Variants in LRRC4C observed in about 807,000 individuals in gnomAD.
LRRC4C encodes the protein leucine-rich repeat-containing protein 4C.
In LRRC4C, 5 loss-of-function variants were observed where a neutral mutation model predicts 33.6. The observed-to-expected ratio is 0.15, with a 90% CI of 0.08 to 0.31. LRRC4C has a LOEUF of 0.31. Among genes scored for constraint, LRRC4C ranks in the 10% least tolerant of loss-of-function variants. The probability of loss-of-function intolerance (pLI) is 1.00; values close to 1 mark genes in which losing one functional copy is unlikely to be tolerated. For missense variants in LRRC4C, 560 were observed against 796.7 expected (o/e 0.70, Z 3.58); for synonymous variants, 329 against 302.0 (o/e 1.09, Z -0.93).
At chr11:41,431,444 A>G (rs752805418) in intron 1 of LRRC4C, among the ~76,000 whole-genome samples, 7 of 152,054 alleles carry the variant, frequency 4.6e-5, no homozygotes, top group South Asian at 2.1e-4. Flanking sequence ...TGGTCCACCA[A>G]TGTAGGTATA....
intron 1 of LRRC4C, among the ~76,000 whole-genome samples, chr11:41,152,716 C>A (rs1944053220): frequency 6.6e-6 from 1 of 152,078 alleles, no homozygotes; most frequent in Non-Finnish European, 1.5e-5. Context: ...CTAATGAACG[C>A]CTAGAGTGCC....
intron 1 of LRRC4C, among the ~76,000 whole-genome samples, chr11:41,192,198 A>G (rs527869383): frequency 6.6e-6 from 1 of 152,152 alleles, no homozygotes; most frequent in South Asian, 2.1e-4. Flanking sequence ...GTACATACTA[A>G]TTTTTGTTAT....
chr11:40,579,340 T>A (rs1250488138), intron 3 of LRRC4C, among the ~76,000 whole-genome samples: 1 of 150,466 alleles, frequency 6.6e-6, no homozygotes, highest in African/African-American at 2.4e-5. Context: ...AAAAAAGGAA[T>A]AGAAAAAAAA....
chr11:40,362,142 T>A (rs1228874759), intron 3 of LRRC4C, among the ~76,000 whole-genome samples: 1 of 151,994 alleles, frequency 6.6e-6, no homozygotes, highest in Non-Finnish European at 1.5e-5. Context: ...AAATGTAAAA[T>A]TCAAAACTAT....
At chr11:41,130,761 G>C (rs551184657) in intron 1 of LRRC4C, among the ~76,000 whole-genome samples, 2 of 151,878 alleles carry the variant, frequency 1.3e-5, no homozygotes, top group Non-Finnish European at 2.9e-5. Context: ...TGCAATATTA[G>C]AGTAAGTTCT....
chr11:41,180,871 A>G (rs1004067502), intron 1 of LRRC4C, among the ~76,000 whole-genome samples: 1 of 152,056 alleles, frequency 6.6e-6, no homozygotes, highest in African/African-American at 2.4e-5. Flanking sequence ...ACAAAATGAC[A>G]CAGAAATCAA....
At position 40,513,405 on chromosome 11, in the gene LRRC4C, C is replaced by T. The variant is rs1161654809; in HGVS notation, c.-270+134737G>A. Among the ~76,000 whole-genome samples, 13 of 152,116 alleles carry T rather than the reference C, an allele frequency of 8.5e-5. 1 individual carries two copies. The South Asian group carries it at 2.7e-3, about 32-fold the overall frequency. On this transcript the variant is annotated intron_variant, in intron 3 of 6. Transcript: ENST00000528697. Reference sequence around the variant, plus strand: ...CTGAAGGATAGATGAGAATAAGCTACATTAGACTAGGGAATGGGATAAGCA... The same window carrying T: ...CTGAAGGATAGATGAGAATAAGCTATATTAGACTAGGGAATGGGATAAGCA...
At chr11:41,064,122 CT>C (rs1164733507) in intron 1 of LRRC4C, among the ~76,000 whole-genome samples, 1 of 152,212 alleles carries the variant, frequency 6.6e-6, no homozygotes, top group African/African-American at 2.4e-5. Flanking sequence ...TTTTTAATTG[CT>C]TGAAACACTT....
intron 1 of LRRC4C, among the ~76,000 whole-genome samples, chr11:41,395,048 C>T (rs930639255): frequency 1.3e-5 from 2 of 151,902 alleles, no homozygotes; most frequent in Admixed American, 1.3e-4. Flanking sequence ...CTGTTTGGCT[C>T]TACTAAACGT....
intron 2 of LRRC4C, among the ~76,000 whole-genome samples, chr11:40,815,002 A>G (rs1951648777): frequency 1.3e-5 from 2 of 152,264 alleles, no homozygotes; most frequent in Non-Finnish European, 2.9e-5. Context: ...CCAGTTCCAA[A>G]GTCGCTTCCA....
At chr11:41,411,642 A>G (rs922178032) in intron 1 of LRRC4C, among the ~76,000 whole-genome samples, 2 of 152,218 alleles carry the variant, frequency 1.3e-5, no homozygotes, top group African/African-American at 4.8e-5. Context: ...CTCAAATAAC[A>G]TTGTTTTTCT....
chr11:40,125,700 T>C (rs1012920160), intron 6 of LRRC4C, among the ~76,000 whole-genome samples: 1 of 152,116 alleles, frequency 6.6e-6, no homozygotes, highest in Admixed American at 6.6e-5. Flanking sequence ...ATAAGAAAGG[T>C]CTGAAGCTCA....
chr11:41,169,347 C>T (rs1418708813), intron 1 of LRRC4C, among the ~76,000 whole-genome samples: 6 of 152,178 alleles, frequency 3.9e-5, no homozygotes, highest in South Asian at 4.2e-4. Context: ...GATTATTAAT[C>T]GAGTTAATTC....
chr11:40,217,995 GA>G (rs1309112900), intron 5 of LRRC4C, among the ~76,000 whole-genome samples: 1 of 152,026 alleles, frequency 6.6e-6, no homozygotes, highest in Admixed American at 6.6e-5. Context: ...TGAAGTCATA[GA>G]AAAAGTCAAA....
chr11:40,301,977 A>C (rs1481925064), intron 4 of LRRC4C, among the ~76,000 whole-genome samples: 1 of 152,238 alleles, frequency 6.6e-6, no homozygotes, highest in East Asian at 1.9e-4. Flanking sequence ...TGCCTTGAAA[A>C]ATGAAAATAA....
At chr11:40,918,216 C>T (rs765780540) in intron 2 of LRRC4C, among the ~76,000 whole-genome samples, 1 of 151,948 alleles carries the variant, frequency 6.6e-6, no homozygotes, top group Non-Finnish European at 1.5e-5. Flanking sequence ...AGCTTCTGTG[C>T]ATTTTTATTG....
At chr11:40,531,550 A>C (rs1956272355) in intron 3 of LRRC4C, among the ~76,000 whole-genome samples, 1 of 152,138 alleles carries the variant, frequency 6.6e-6, no homozygotes, top group African/African-American at 2.4e-5. Context: ...CTCAACAATT[A>C]TTTAGAACTT....
At chr11:40,499,360 GC>G (rs1159247728) in intron 3 of LRRC4C, among the ~76,000 whole-genome samples, 5 of 152,126 alleles carry the variant, frequency 3.3e-5, no homozygotes, top group Non-Finnish European at 7.4e-5. Context: ...CAAGCATCCT[GC>G]TCAGCAAGTA....
intron 1 of LRRC4C, among the ~76,000 whole-genome samples, chr11:40,963,186 A>G (rs1345935833): frequency 6.6e-6 from 1 of 151,778 alleles, no homozygotes; most frequent in Non-Finnish European, 1.5e-5. Flanking sequence ...TATAAAAATT[A>G]TGAAATTTCC....
Sources: gnomAD v4.1 joint callset for allele counts (sites outside exome capture counted in the v4.1 genomes callset) on GRCh38, gnomAD v4.1.1 for gene constraint, MANE v1.5 for transcripts, NCBI Gene and HGNC (gene_info 2026-07-23, HGNC 2026-07-21) for gene names.